Variants in SLC8A1 observed in about 807,000 individuals in gnomAD.
SLC8A1 encodes the protein sodium/calcium exchanger 1.
Under a neutral mutation model 68.3 loss-of-function variants are expected in SLC8A1, and 18 were observed. The ratio of observed to expected loss-of-function variants is 0.26; its 90% CI spans 0.18 to 0.39. The LOEUF is 0.39. SLC8A1 is among the 10% of genes least tolerant of loss of function. The probability of loss-of-function intolerance (pLI) is 1.00; values close to 1 mark genes in which losing one functional copy is unlikely to be tolerated. For missense variants in SLC8A1, 985 were observed against 1,156.7 expected, an observed-to-expected ratio of 0.85 and a Z score of 2.15; for synonymous variants, 475 against 415.5, an observed-to-expected ratio of 1.14 and a Z score of -1.74.
intron 1 of SLC8A1, among the ~76,000 whole-genome samples, chr2:40,440,522 C>A (rs1433399706): frequency 2.0e-5 from 3 of 151,944 alleles, no homozygotes; most frequent in Non-Finnish European, 4.4e-5. Flanking sequence ...TAGCAAAGTG[C>A]GAGGCACTGG....
chr2:40,128,625 C>T (rs2038658266), intron 7 of SLC8A1, among the ~76,000 whole-genome samples: 1 of 152,182 alleles, frequency 6.6e-6, no homozygotes, highest in African/African-American at 2.4e-5. Flanking sequence ...CTAAGAGTCA[C>T]AGTGCTAATT....
chr2:40,275,840 G>T (rs1417541712), intron 2 of SLC8A1, among the ~76,000 whole-genome samples: 1 of 152,170 alleles, frequency 6.6e-6, no homozygotes, highest in African/African-American at 2.4e-5. Context: ...AGGCTGGATG[G>T]ATGTTGTTGG....
At chr2:40,327,715 T>C (rs35892964) in intron 2 of SLC8A1, among the ~76,000 whole-genome samples, 37,790 of 151,880 alleles carry the variant, frequency 0.25, 5,105 homozygotes, top group East Asian at 0.38. Flanking sequence ...TGGGTACACA[T>C]GGACATAAAG....
chr2:40,172,813 G>A (rs905744711), intron 4 of SLC8A1, among the ~76,000 whole-genome samples: 8 of 152,062 alleles, frequency 5.3e-5, no homozygotes, highest in African/African-American at 9.7e-5. Flanking sequence ...GTGGTGGCAC[G>A]TGCCTGTAGT....
chr2:40,159,194 A>G (rs1450738519), intron 6 of SLC8A1, among the ~76,000 whole-genome samples: 1 of 152,186 alleles, frequency 6.6e-6, no homozygotes. Flanking sequence ...TTCCTCTATG[A>G]CAAACTTATC....
In SLC8A1 at chr2:40,249,928, C is replaced by G. The variant is rs549755102; in HGVS notation, c.1809-72073G>C. Among the ~76,000 whole-genome samples the G allele has an allele frequency of 2.0e-5, 3 of 152,226 alleles. 1 individual carries two copies. Among genetic ancestry groups the G allele is most frequent in the Admixed American group, 6.5e-5 (1 of 15,292 alleles). On this transcript the variant is annotated intron_variant, in intron 2 of 7. Transcript: ENST00000406785. ...TTTTGATAAGTAGCAGTACTTGTTT[C>G]AAAGGAAGATACCGTTATATTAAAA...
chr2:40,366,228 C>G (rs1178239140), intron 2 of SLC8A1, among the ~76,000 whole-genome samples: 1 of 151,994 alleles, frequency 6.6e-6, no homozygotes, highest in Non-Finnish European at 1.5e-5. Context: ...AGTATGCACT[C>G]AACAATGTTA....
intron 1 of SLC8A1, among the ~76,000 whole-genome samples, chr2:40,489,512 T>G (rs1032216007): frequency 6.6e-6 from 1 of 152,132 alleles, no homozygotes; most frequent in African/African-American, 2.4e-5. Context: ...TTTCTGACAT[T>G]CAATGTTACT....
rs555029931 is a variant in SLC8A1, at chr2:40,115,459, T to A, written c.2608A>T (p.Thr870Ser). ...AAGAGAGTGACAGAGAAAGCTAGTG[T>A]GCCAGGGGACACTTTGAACTGTTCC... Residue 870 changes from threonine (T) to serine (S), a missense_variant, in exon 8 of 8, where the codon ACA becomes TCA. Physicochemically the swap from Thr to Ser is moderately conservative, Grantham distance 58 (BLOSUM62 1). Coordinates refer to ENST00000406785, the Ensembl canonical transcript of SLC8A1. 3 of 1,614,164 alleles carry A rather than the reference T, an allele frequency of 1.9e-6. No individual in the cohort carries two copies. In the South Asian group the frequency reaches 3.3e-5, roughly 18 times the overall value.
At chr2:40,317,405 CAT>C (rs1334761425) in intron 2 of SLC8A1, among the ~76,000 whole-genome samples, 2 of 152,036 alleles carry the variant, frequency 1.3e-5, no homozygotes, top group African/African-American at 4.8e-5. Flanking sequence ...AATTCTGACT[CAT>C]GTCAACAAAT....
intron 2 of SLC8A1, among the ~76,000 whole-genome samples, chr2:40,331,289 A>G (rs1471500855): frequency 6.6e-6 from 1 of 152,230 alleles, no homozygotes; most frequent in African/African-American, 2.4e-5. Flanking sequence ...GAGAGGCTAG[A>G]AAGTGAAAAG....
intron 7 of SLC8A1, among the ~76,000 whole-genome samples, chr2:40,121,805 G>A (rs1047956628): frequency 1.3e-5 from 2 of 152,124 alleles, no homozygotes; most frequent in Non-Finnish European, 2.9e-5. Flanking sequence ...CTTTTAAGGA[G>A]TTATAACACC....
chr2:40,180,471 C>G (rs1243023718), intron 2 of SLC8A1, among the ~76,000 whole-genome samples: 2 of 152,206 alleles, frequency 1.3e-5, no homozygotes, highest in Non-Finnish European at 2.9e-5. Context: ...TAATTTCCAT[C>G]TCACAGTCTT....
intron 2 of SLC8A1, among the ~76,000 whole-genome samples, chr2:40,333,435 C>G (rs2076638023): frequency 1.2e-5 from 1 of 85,618 alleles, no homozygotes; most frequent in African/African-American, 7.6e-5. Context: ...GAGACTCCGT[C>G]TCAAAAAAAA....
intron 1 of SLC8A1, among the ~76,000 whole-genome samples, chr2:40,510,309 T>C (rs1706636569): frequency 6.6e-6 from 1 of 152,200 alleles, no homozygotes; most frequent in Non-Finnish European, 1.5e-5. Flanking sequence ...AATGTTGACA[T>C]AGTATATACA....
chr2:40,479,802 G>A (rs1704515341), intron 1 of SLC8A1, among the ~76,000 whole-genome samples: 1 of 152,126 alleles, frequency 6.6e-6, no homozygotes, highest in South Asian at 2.1e-4. Context: ...AATATTGGGA[G>A]AAAAATATAA....
chr2:40,421,213 C>T (rs1018083084), intron 2 of SLC8A1, among the ~76,000 whole-genome samples: 42 of 152,200 alleles, frequency 2.8e-4, no homozygotes, highest in African/African-American at 9.9e-4. Flanking sequence ...ACCATCACTA[C>T]CACCATTACC....
intron 2 of SLC8A1, among the ~76,000 whole-genome samples, chr2:40,407,184 G>T (rs983800664): frequency 9.2e-5 from 14 of 152,136 alleles, no homozygotes; most frequent in Non-Finnish European, 1.6e-4. Context: ...CTCCTGCTCA[G>T]CCTCCTGAGT....
chr2:40,472,578 G>T lies in SLC8A1; in HGVS notation c.-25+39771C>A, dbSNP rs142768929. On this transcript the variant is annotated intron_variant, in intron 1 of 7. Coordinates refer to the SLC8A1 transcript ENST00000402441. Reference sequence around the variant, plus strand: ...CAAGGGCTTACTATGTGCCCAGGCTGGTCTCAAACTCACTCCTTGCTTGAA... The same window carrying T: ...CAAGGGCTTACTATGTGCCCAGGCTTGTCTCAAACTCACTCCTTGCTTGAA... Among the ~76,000 whole-genome samples, 49 of 152,200 alleles carry T rather than the reference G, an allele frequency of 3.2e-4. No individual in the cohort carries two copies. In the East Asian group the frequency reaches 8.7e-3, roughly 27 times the overall value.
Sources: gnomAD v4.1 joint callset for allele counts (sites outside exome capture counted in the v4.1 genomes callset) on GRCh38, gnomAD v4.1.1 for gene constraint, MANE v1.5 for transcripts, NCBI Gene and HGNC (gene_info 2026-07-23, HGNC 2026-07-21) for gene names.